The following YWHAZ variants were observed in gnomAD, a reference collection of about 807,000 sequenced individuals.
The protein encoded by YWHAZ is 14-3-3 protein zeta/delta.
For synonymous variants in YWHAZ, 87 were observed against 103.6 expected, an observed-to-expected ratio of 0.84 and a Z score of 0.97; for missense variants, 79 against 284.8, an observed-to-expected ratio of 0.28 and a Z score of 5.20.
intron 2 of YWHAZ, among the ~76,000 whole-genome samples, chr8:100,941,552 G>A (rs1006188812): frequency 1.2e-4 from 18 of 152,098 alleles, no homozygotes; most frequent in African/African-American, 2.7e-4. Context: ...TGGGAGGCCG[G>A]GGTGGGTGGA....
chr8:100,946,375 C>A (rs1810269558), intron 2 of YWHAZ, among the ~76,000 whole-genome samples: 1 of 152,136 alleles, frequency 6.6e-6, no homozygotes. Flanking sequence ...CAAGGTGAAA[C>A]CCCATCTTTA....
At chr8:100,925,098 T>C (rs1359856789) in intron 2 of YWHAZ, 59 bp from the exon 3 acceptor site, 4 of 1,528,372 alleles carry the variant, frequency 2.6e-6, no homozygotes, top group South Asian at 1.3e-5. Flanking sequence ...CTGAAAGAAC[T>C]TGCATTTCTT....
Position 100,920,618 on chromosome 8 carries a change from T to C in YWHAZ, c.*75A>G. ...TCATAAATCGTAAACAAAAAACTATTTGTGGGACAGCATGGATGACAAATG... is the reference window on the plus strand; with the variant it reads ...TCATAAATCGTAAACAAAAAACTATCTGTGGGACAGCATGGATGACAAATG... On this transcript the variant is annotated 3_prime_UTR_variant, in exon 6 of 6. Coordinates refer to ENST00000395958, the MANE Select transcript of YWHAZ (RefSeq NM_145690.3). 2 of 1,269,586 alleles carry C rather than the reference T, an allele frequency of 1.6e-6. No individual in the cohort carries two copies. Among genetic ancestry groups the C allele is most frequent in the Non-Finnish European group, 1.1e-6 (1 of 872,172 alleles). 78.6% of individuals were successfully genotyped at this position (1,269,586 alleles called of 1,614,324 possible).
rs1812771443 is a variant in YWHAZ at position 100,917,945 on chromosome 8, T to C, written c.*2748A>G. 6.6e-6 allele frequency: 1 copy of C among 152,218 alleles called. No individual in the cohort carries two copies. The highest frequency in any genetic ancestry group is 2.1e-4 in the South Asian group (1 of 4,832). 9.4% of individuals were successfully genotyped at this position (152,218 alleles called of 1,614,324 possible). A position where few individuals can be genotyped will look rare whatever the true frequency, so the allele number is the denominator to read the frequency against. On this transcript the variant is annotated 3_prime_UTR_variant, in exon 6 of 6. Coordinates refer to ENST00000395958, the MANE Select transcript of YWHAZ (RefSeq NM_145690.3). ...CTACTATGTAGAAAACATTAGTTAA[T>C]ACTAGTGAAGTGTTTTCATTATTCC... is the stretch of plus-strand genomic sequence containing the variant.
At position 100,920,699 on chromosome 8, in the gene YWHAZ, T is replaced by C. The variant is rs1220632216; in HGVS notation, c.732A>G (p.Glu244=). ...ACAAAAGTTGGAAGGCCGGTTAATT[T>C]TCCCCTCCTTCTCCTGCTTCAGCTT... ...GDEAEAGEGG[E]N Residue 244 remains glutamate, a synonymous_variant, in exon 6 of 6, where the codon GAA becomes GAG. Coordinates refer to ENST00000395958, the MANE Select transcript of YWHAZ (RefSeq NM_145690.3). 3 of 1,601,640 alleles carry C rather than the reference T, an allele frequency of 1.9e-6. No homozygotes were observed. Among genetic ancestry groups the C allele is most frequent in the Non-Finnish European group, 2.6e-6 (3 of 1,174,232 alleles).
intron 2 of YWHAZ, among the ~76,000 whole-genome samples, chr8:100,927,622 C>T (rs192200997): frequency 6.6e-6 from 1 of 152,328 alleles, no homozygotes; most frequent in Non-Finnish European, 1.5e-5. Context: ...CATGCAGTTA[C>T]TTAAGAGTGA....
Position 100,935,914 on chromosome 8 carries a change from C to T in YWHAZ, c.295-10875G>A, listed in dbSNP as rs118118939. Among the ~76,000 whole-genome samples, 20 of 152,328 alleles carry T rather than the reference C, an allele frequency of 1.3e-4. No homozygotes were observed. In the East Asian group the frequency reaches 3.9e-3, roughly 29 times the overall value. ...CTAACATAATGAATTTCCCACCCCA[C>T]CACTATCCCTTACATTTCTTTAAAT... is the stretch of plus-strand genomic sequence containing the variant. On this transcript the variant is annotated intron_variant, in intron 2 of 5. Transcript: ENST00000395958.
intron 2 of YWHAZ, 36 bp from the exon 3 acceptor site, chr8:100,925,075 A>C (rs750826010): frequency 1.3e-5 from 21 of 1,571,672 alleles, no homozygotes; most frequent in Non-Finnish European, 1.7e-5. Context: ...GTGAGAATAA[A>C]ACATTTACAA....
At chr8:100,949,633 A>G (rs2130369895) in intron 1 of YWHAZ, among the ~76,000 whole-genome samples, 1 of 152,262 alleles carries the variant, frequency 6.6e-6, no homozygotes, top group Non-Finnish European at 1.5e-5. Flanking sequence ...TGACACTTCA[A>G]CTCTTACTGT....
intron 1 of YWHAZ, chr8:100,951,065 G>T: frequency 5.4e-6 from 2 of 369,092 alleles, no homozygotes; most frequent in Non-Finnish European, 7.0e-6. Flanking sequence ...CCGTTCACAA[G>T]GAGCAAAAAA....
At chr8:100,949,947 G>A (rs1261426113) in intron 1 of YWHAZ, among the ~76,000 whole-genome samples, 1 of 152,180 alleles carries the variant, frequency 6.6e-6, no homozygotes, top group Non-Finnish European at 1.5e-5. Flanking sequence ...TGACTTCAGA[G>A]GAAAATACAC....
At chr8:100,937,554 T>C (rs918399179) in intron 2 of YWHAZ, among the ~76,000 whole-genome samples, 4 of 152,204 alleles carry the variant, frequency 2.6e-5, no homozygotes, top group Non-Finnish European at 5.9e-5. Flanking sequence ...CATTTATGAA[T>C]TGAAATTTGC....
chr8:100,935,993 CCTTAGA>C (rs1814121546), intron 2 of YWHAZ, among the ~76,000 whole-genome samples: 1 of 152,096 alleles, frequency 6.6e-6, no homozygotes, highest in South Asian at 2.1e-4. Flanking sequence ...AACTAAGGGT[CCTTAGA>C]CCAAACCCCA....
intron 2 of YWHAZ, among the ~76,000 whole-genome samples, chr8:100,934,002 C>T (rs1043229759): frequency 6.6e-6 from 1 of 151,190 alleles, no homozygotes; most frequent in African/African-American, 2.4e-5. Context: ...ACTAAAAATA[C>T]AAAAAATGAG....
At chr8:100,939,627 C>G (rs1464172124) in intron 2 of YWHAZ, among the ~76,000 whole-genome samples, 1 of 151,744 alleles carries the variant, frequency 6.6e-6, no homozygotes, top group Non-Finnish European at 1.5e-5. Context: ...CCATTGCACT[C>G]CAGCCTGGGC....
intron 2 of YWHAZ, among the ~76,000 whole-genome samples, chr8:100,936,335 T>C (rs1814144324): frequency 6.6e-6 from 1 of 152,198 alleles, no homozygotes; most frequent in South Asian, 2.1e-4. Flanking sequence ...TTAAAAAAGA[T>C]TCAATGGGTA....
chr8:100,937,371 A>C (rs1372433669), intron 2 of YWHAZ, among the ~76,000 whole-genome samples: 2 of 152,180 alleles, frequency 1.3e-5, no homozygotes, highest in Admixed American at 6.5e-5. Context: ...TACATTTGTA[A>C]AGAAAAATAT....
chr8:100,942,290 C>T lies in YWHAZ; in HGVS notation c.294+6306G>A, dbSNP rs537510401. ...CCAATATGTAAAACTCTATCCTACA[C>T]TACACTACTACTTCTATCACATTAT... is the stretch of plus-strand genomic sequence containing the variant. On this transcript the variant is annotated intron_variant, in intron 2 of 5. Transcript: ENST00000395958. 6.6e-5 allele frequency among the ~76,000 whole-genome samples: 10 copies of T among 152,298 alleles called. No homozygotes were observed. The South Asian group carries it at 2.1e-3, about 32-fold the overall frequency.
chr8:100,943,020 A>C (rs1809986502), intron 2 of YWHAZ, among the ~76,000 whole-genome samples: 1 of 152,240 alleles, frequency 6.6e-6, no homozygotes, highest in African/African-American at 2.4e-5. Context: ...GTGAATGTAA[A>C]GGATAGGGAA....
Sources: allele counts gnomAD v4.1 joint callset (sites outside exome capture counted in the v4.1 genomes callset), GRCh38; gene constraint gnomAD v4.1.1; transcripts MANE v1.5; gene names NCBI Gene and HGNC (gene_info 2026-07-23, HGNC 2026-07-21).